CEP95: variants seen among roughly 807,000 people sequenced by gnomAD.
The protein encoded by CEP95 is centrosomal protein 95.
Under a neutral mutation model 111.2 loss-of-function variants are expected in CEP95, and 98 were observed. That is an observed-to-expected ratio of 0.88 (90% CI 0.75 to 1.04). The LOEUF (loss-of-function observed/expected upper bound fraction) is 1.04. Ranked by LOEUF, CEP95 falls within the 50% of genes least tolerant of loss-of-function variation. The pLI, the probability that CEP95 is intolerant of heterozygous loss-of-function variation, is 0.00. For missense variants in CEP95, 1,027 were observed against 977.2 expected (o/e 1.05, Z -0.68); for synonymous variants, 323 against 327.1 (o/e 0.99, Z 0.14).
intron 18 of CEP95, 23 bp from the exon 19 acceptor site, chr17:64,537,014 ATTTG>A (rs1968702885): frequency 9.6e-6 from 15 of 1,567,618 alleles, no homozygotes; most frequent in Non-Finnish European, 1.2e-5. Context: ...TAAATATAAT[ATTTG>A]TTTTTTTTCT....
intron 6 of CEP95, 108 bp downstream of exon 6, chr17:64,519,544 C>A: frequency 2.6e-6 from 2 of 759,000 alleles, no homozygotes; most frequent in Non-Finnish European, 4.3e-6. Context: ...GCTAACTGGA[C>A]ATGGGATTTG....
chr17:64,521,408 A>T lies in CEP95; in HGVS notation c.596A>T (p.Gln199Leu). Residue 199 changes from glutamine to leucine, a missense_variant, in exon 7 of 20, where the codon CAA becomes CTA. Coordinates refer to ENST00000556440, the MANE Select transcript of CEP95 (RefSeq NM_138363.3). ...HTFSLRSNGA[Q>L]CPNEMLSKKA... ...TTAATATTTTCTTTCCTAGGTGCTC[A>T]ATGTCCTAATGAAATGCTGTCTAAA... 1 of 1,609,086 alleles carries T rather than the reference A, an allele frequency of 6.2e-7. No homozygotes were observed. Among genetic ancestry groups the T allele is most frequent in the Non-Finnish European group, 8.5e-7 (1 of 1,176,728 alleles).
rs1968403473 is a variant in CEP95, at chr17:64,533,146, C to T, written c.1872C>T (p.Leu624=). The change falls in exon 16 of 20, where the codon CTC becomes CTT. Residue 624 remains leucine (L), a synonymous_variant. Coordinates refer to ENST00000556440, the MANE Select transcript of CEP95 (RefSeq NM_138363.3). ...EIEEALRRHD[L]LTTLVKKEYE... ...AAGAAGCCCTAAGAAGGCATGACCTCCTTACTACCCTTGTCAAGAAAGAAT... is the reference window on the plus strand; with the variant it reads ...AAGAAGCCCTAAGAAGGCATGACCTTCTTACTACCCTTGTCAAGAAAGAAT... The T allele has an allele frequency of 6.3e-7, 1 of 1,594,966 alleles. No individual in the cohort carries two copies. Among genetic ancestry groups the T allele is most frequent in the Non-Finnish European group, 8.5e-7 (1 of 1,175,304 alleles).
chr17:64,529,452 A>G (rs1555679854), intron 12 of CEP95, 25 bp downstream of exon 12: 7 of 1,611,452 alleles, frequency 4.3e-6, no homozygotes, highest in Non-Finnish European at 5.9e-6. Flanking sequence ...CTTGACTACC[A>G]TTAAGCAGCA....
Position 64,514,270 on chromosome 17 carries a change from TAAAG to T in CEP95, c.282_285del (p.Lys94AsnfsTer99), listed in dbSNP as rs1568127441. ...CAGGAGAAAATATAGTGAAAGGAGA[TAAAG>T]AATCTATTAAGAATCTCCTGGAAAT... is the stretch of plus-strand genomic sequence containing the variant. On this transcript the variant is annotated frameshift_variant, in exon 4 of 20. Transcript: ENST00000556440. LOFTEE classifies it high-confidence loss of function. 1 of 1,450,982 alleles carries T rather than the reference TAAAG, an allele frequency of 6.9e-7. No individual in the cohort carries two copies. Among genetic ancestry groups the T allele is most frequent in the Non-Finnish European group, 9.5e-7 (1 of 1,056,082 alleles). The allele number at this position is 1,450,982 out of a possible 1,614,324, so 89.9% of individuals were successfully genotyped here.
At chr17:64,534,267 C>G (rs1329839086) in intron 16 of CEP95, 1 of 264,244 alleles carries the variant, frequency 3.8e-6, no homozygotes, top group African/African-American at 2.2e-5. Flanking sequence ...CTGGGTGTGC[C>G]ATTTTCCTAC....
At chr17:64,507,296 G>A (rs1448081834) in intron 1 of CEP95, 180 bp downstream of exon 1, 1 of 1,466,384 alleles carries the variant, frequency 6.8e-7, no homozygotes, top group Non-Finnish European at 9.0e-7. Flanking sequence ...TCGCTTCGAG[G>A]CCGTGGAACA....
At chr17:64,524,939 C>G (rs1555678757) in intron 8 of CEP95, among the ~76,000 whole-genome samples, 2 of 151,904 alleles carry the variant, frequency 1.3e-5, no homozygotes, top group Admixed American at 1.3e-4. Context: ...CCACTGCACT[C>G]CAGCCTGGGT....
chr17:64,524,975 C>CA (rs1307282618), intron 8 of CEP95, among the ~76,000 whole-genome samples: 9 of 150,790 alleles, frequency 6.0e-5, no homozygotes, highest in Non-Finnish European at 8.8e-5. Flanking sequence ...TCTCAAAAAA[C>CA]AAAAAAACAA....
intron 5 of CEP95, among the ~76,000 whole-genome samples, chr17:64,517,322 C>A (rs782173239): frequency 6.6e-6 from 1 of 152,116 alleles, no homozygotes; most frequent in Non-Finnish European, 1.5e-5. Context: ...GCTGGGATTA[C>A]AGGCATGAGC....
chr17:64,519,876 C>T (rs779878031), intron 6 of CEP95, among the ~76,000 whole-genome samples: 1 of 152,168 alleles, frequency 6.6e-6, no homozygotes, highest in African/African-American at 2.4e-5. Context: ...ATAGTAGACC[C>T]GGATATCTTT....
intron 13 of CEP95, 22 bp downstream of exon 13, chr17:64,531,040 AAT>A (rs782146218): frequency 8.2e-6 from 11 of 1,345,364 alleles, no homozygotes; most frequent in Non-Finnish European, 1.1e-5. Context: ...TCTCCACTGT[AAT>A]AAATGCCATT....
intron 6 of CEP95, 84 bp from the exon 7 acceptor site, chr17:64,521,318 G>A (rs1198765537): frequency 4.3e-6 from 4 of 936,580 alleles, no homozygotes; most frequent in South Asian, 1.6e-5. Flanking sequence ...TGTTTCCTGA[G>A]TACAAAACTC....
chr17:64,531,240 G>C, intron 13 of CEP95: 1 of 370,440 alleles, frequency 2.7e-6, no homozygotes, highest in South Asian at 6.8e-5. Context: ...GTGTTTTTCC[G>C]CTACTTAAAA....
rs782793091 is a variant in CEP95 at position 64,519,462 on chromosome 17, GTTA to G, written c.589+32_589+34del. On this transcript the variant is annotated intron_variant, in intron 6 of 19. Transcript: ENST00000556440. Reference sequence around the variant, plus strand: ...GTGAGTAGTTAAACCTGAAGTATCAGTTATTATTCAACATACAACTATAAAAAT... The same window carrying G: ...GTGAGTAGTTAAACCTGAAGTATCAGTTATTCAACATACAACTATAAAAAT... The G allele has an allele frequency of 6.7e-6, 10 of 1,500,448 alleles. No individual in the cohort carries two copies. In the African/African-American group the frequency reaches 9.6e-5, roughly 14 times the overall value. The allele number at this position is 1,500,448 out of a possible 1,614,324, so 92.9% of individuals were successfully genotyped here.
intron 8 of CEP95, among the ~76,000 whole-genome samples, chr17:64,525,213 A>G (rs980955771): frequency 3.9e-5 from 6 of 151,960 alleles, no homozygotes; most frequent in Non-Finnish European, 8.8e-5. Context: ...GTGTTGTGGC[A>G]TATACCTGTA....
chr17:64,515,632 G>A (rs964023514), intron 4 of CEP95: 8 of 152,156 alleles, frequency 5.3e-5, no homozygotes, highest in African/African-American at 1.9e-4. Context: ...TATGTGGTGA[G>A]CTACTGGGGA....
chr17:64,521,843 T>C (rs1437466509), intron 7 of CEP95, among the ~76,000 whole-genome samples: 1 of 152,046 alleles, frequency 6.6e-6, no homozygotes, highest in East Asian at 1.9e-4. Flanking sequence ...CAAAGTATAG[T>C]AACTGGAAAA....
intron 1 of CEP95, chr17:64,508,120 C>A (rs570084710): frequency 1.1e-5 from 11 of 985,286 alleles, no homozygotes; most frequent in Non-Finnish European, 1.3e-5. Flanking sequence ...TTTCCGGCAC[C>A]AGAGAAACCC....
Sources: allele counts gnomAD v4.1 joint callset (sites outside exome capture counted in the v4.1 genomes callset), GRCh38; gene constraint gnomAD v4.1.1; transcripts MANE v1.5; gene names NCBI Gene and HGNC (gene_info 2026-07-23, HGNC 2026-07-21).